Variants in ARHGEF10 observed in about 807,000 individuals in gnomAD.
ARHGEF10 encodes Rho guanine nucleotide exchange factor 10, also known as Rho guanine nucleotide exchange factor (GEF) 10.
ARHGEF10 carries 140 observed loss-of-function variants against 147.4 expected under a neutral mutation model. The observed-to-expected ratio is 0.95, with a 90% CI of 0.83 to 1.09. ARHGEF10 has a LOEUF of 1.09. Ranked by LOEUF, ARHGEF10 falls within the 50% of genes least tolerant of loss-of-function variation. ARHGEF10 has a pLI of 0.00. For synonymous variants in ARHGEF10, 902 were observed against 695.8 expected (o/e 1.30, Z -4.67); for missense variants, 2,222 against 1,752.7 (o/e 1.27, Z -4.78).
At chr8:1,840,964 G>T (rs1445744371) in intron 1 of ARHGEF10, among the ~76,000 whole-genome samples, 1 of 152,192 alleles carries the variant, frequency 6.6e-6, no homozygotes, top group Non-Finnish European at 1.5e-5. Flanking sequence ...AAGGGCACCC[G>T]ATGTGGATCC....
intron 11 of ARHGEF10, among the ~76,000 whole-genome samples, chr8:1,890,907 C>A (rs1809476482): frequency 6.6e-6 from 1 of 152,140 alleles, no homozygotes; most frequent in Non-Finnish European, 1.5e-5. Flanking sequence ...TTTATGGTTT[C>A]TGTAAAGGGT....
At chr8:1,907,262 C>T (rs1351012836) in intron 17 of ARHGEF10, among the ~76,000 whole-genome samples, 1 of 152,152 alleles carries the variant, frequency 6.6e-6, no homozygotes, top group Non-Finnish European at 1.5e-5. Flanking sequence ...GTTTAACTGT[C>T]CCAGAACCCC....
chr8:1,933,842 G>A lies in ARHGEF10; in HGVS notation c.3122G>A (p.Gly1041Asp). 2 of 1,614,148 alleles carry A rather than the reference G, an allele frequency of 1.2e-6. No homozygotes were observed. Among genetic ancestry groups the A allele is most frequent in the Non-Finnish European group, 1.7e-6 (2 of 1,180,032 alleles). The change falls in exon 26 of 29, where the codon GGC (glycine) becomes GAC (aspartate). Residue 1041 changes from glycine (G) to aspartate (D), a missense_variant. Physicochemically the swap from Gly to Asp is moderately conservative, Grantham distance 94. Transcript: ENST00000349830. ...GAACCTCAAAAAGTGATCAAGTTAG[G>A]CGTCCTACCAGTTAGAAGTCTACTC... The part of the protein sequence containing the change: ...DSEPQKVIKL[G>D]VLPVRSLLMM...
chr8:1,851,002 A>G (rs1362608217), intron 2 of ARHGEF10, among the ~76,000 whole-genome samples: 1 of 145,992 alleles, frequency 6.8e-6, no homozygotes, highest in South Asian at 2.4e-4. Flanking sequence ...ACAAAATTAT[A>G]CAGTAACAAG....
At chr8:1,889,998 C>A (rs1188428656) in intron 11 of ARHGEF10, among the ~76,000 whole-genome samples, 6 of 125,946 alleles carry the variant, frequency 4.8e-5, no homozygotes, top group African/African-American at 1.7e-4. Context: ...TGTGAGCAAT[C>A]TGTGAGGAGA....
chr8:1,911,899 G>A (rs985207966), intron 18 of ARHGEF10, among the ~76,000 whole-genome samples: 1 of 152,220 alleles, frequency 6.6e-6, no homozygotes, highest in African/African-American at 2.4e-5. Flanking sequence ...CACTCTCAGT[G>A]TTTGTTTCTT....
rs144940680 is a variant in ARHGEF10 at position 1,919,494 on chromosome 8, G to T, written c.2144-3470G>T. On this transcript the variant is annotated intron_variant, in intron 18 of 28. Transcript: ENST00000349830. The stretch of plus-strand genomic sequence containing the variant: ...AGCTGTTCTGTCCAGTGATGGAGCT[G>T]TTCCGTGGGTGATGGAGCTATTCTG... Among the ~76,000 whole-genome samples, 6 of 148,196 alleles carry T rather than the reference G, an allele frequency of 4.0e-5. No individual in the cohort carries two copies. The East Asian group carries it at 1.0e-3, about 25-fold the overall frequency.
chr8:1,923,528 A>G lies in ARHGEF10; in HGVS notation c.2320A>G (p.Lys774Glu), dbSNP rs777993053. Residue 774 changes from lysine (K) to glutamate (E), a missense_variant, in exon 20 of 29, where the codon AAA becomes GAA. Coordinates refer to ENST00000349830, the MANE Select transcript of ARHGEF10 (RefSeq NM_014629.4). ...TSGLQRLILK[K>E]EDEIRAADCC... ...AGGTTTACAAAGGCTTATTTTGAAG[A>G]AAGAAGATGAAATCAGAGCTGCGGA... 2 of 1,614,108 alleles carry G rather than the reference A, an allele frequency of 1.2e-6. No individual in the cohort carries two copies. Among genetic ancestry groups the G allele is most frequent in the Admixed American group, 1.7e-5 (1 of 60,024 alleles).
At position 1,926,411 on chromosome 8, in the gene ARHGEF10, T is replaced by A; in HGVS notation, c.2645T>A (p.Leu882Gln). The change falls in exon 23 of 29, where the codon CTA becomes CAA. Residue 882 changes from leucine to glutamine, a missense_variant. Transcript: ENST00000349830. The part of the protein sequence containing the change: ...ECAAYNPEPY[L>Q]NNESQPDSFS... ...GCTGCTTATAACCCTGAACCTTACC[T>A]AAATAATGAAAGCCAGCCAGATTCA... 6.2e-7 allele frequency: 1 copy of A among 1,614,178 alleles called. No homozygotes were observed. Among genetic ancestry groups the A allele is most frequent in the East Asian group, 2.2e-5 (1 of 44,880 alleles).
intron 2 of ARHGEF10, among the ~76,000 whole-genome samples, chr8:1,848,770 A>G (rs1019845101): frequency 1.3e-5 from 2 of 152,224 alleles, no homozygotes; most frequent in African/African-American, 4.8e-5. Context: ...CCAGTGTTTT[A>G]GAAGTAGTCT....
At chr8:1,855,589 T>A (rs1284723759) in intron 2 of ARHGEF10, among the ~76,000 whole-genome samples, 3 of 151,830 alleles carry the variant, frequency 2.0e-5, no homozygotes, top group Non-Finnish European at 4.4e-5. Context: ...GGGGTTTCAC[T>A]ATGTTGTCCA....
At chr8:1,928,347 C>A in intron 23 of ARHGEF10, 80 bp from the exon 24 acceptor site, 1 of 1,304,048 alleles carries the variant, frequency 7.7e-7, no homozygotes, top group Non-Finnish European at 1.1e-6. Flanking sequence ...CTTGTCGTGG[C>A]CTTTAAGGGT....
Position 1,948,404 on chromosome 8 carries a change from G to A in ARHGEF10, c.3397+2749G>A, listed in dbSNP as rs1011298851. Among the ~76,000 whole-genome samples the A allele has an allele frequency of 2.0e-5, 3 of 152,118 alleles. No homozygotes were observed. The highest frequency in any genetic ancestry group is 2.9e-5 in the Non-Finnish European group (2 of 68,030). ...GTGCTTCTCGTTGGCAGGTTTCTCC[G>A]GCATTTCGGTACTAAGTTGGAAATA... On this transcript the variant is annotated intron_variant, in intron 27 of 28. Coordinates refer to ENST00000349830, the MANE Select transcript of ARHGEF10 (RefSeq NM_014629.4). This position sits in a 1 kb window ranked among gnomAD's most constrained non-coding sequence, Gnocchi z 4.9.
chr8:1,913,457 A>C (rs1435421918), intron 18 of ARHGEF10, among the ~76,000 whole-genome samples: 1 of 152,260 alleles, frequency 6.6e-6, no homozygotes, highest in East Asian at 1.9e-4. Flanking sequence ...TGTAAAAATC[A>C]GTCACATTAC....
chr8:1,869,237 A>G lies in ARHGEF10; in HGVS notation c.666A>G (p.Ser222=). Residue 222 remains serine, a synonymous_variant, in exon 7 of 29, where the codon TCA becomes TCG. Transcript: ENST00000349830. ...AIYDDVPREN[S]DSEPDEMIYD... Reference sequence around the variant, plus strand: ...ACGATGACGTTCCAAGGGAAAACTCAGACTCTGAACCAGGTTTGATTTTGT... The same window carrying G: ...ACGATGACGTTCCAAGGGAAAACTCGGACTCTGAACCAGGTTTGATTTTGT... 1 of 1,613,988 alleles carries G rather than the reference A, an allele frequency of 6.2e-7. No individual in the cohort carries two copies. Among genetic ancestry groups the G allele is most frequent in the Non-Finnish European group, 8.5e-7 (1 of 1,179,826 alleles).
chr8:1,905,719 A>T lies in ARHGEF10; in HGVS notation c.1967+3A>T. On this transcript the variant is annotated splice_donor_region_variant and intron_variant, in intron 17 of 28. Transcript: ENST00000349830. ...ATGTGTGCCACCGTCAGCTCACGGT[A>T]AGTGCATAAATTCTCTATAGTAGTC... 2 of 1,613,452 alleles carry T rather than the reference A, an allele frequency of 1.2e-6. No individual in the cohort carries two copies. The highest frequency in any genetic ancestry group is 1.7e-6 in the Non-Finnish European group (2 of 1,180,032).
At chr8:1,847,115 C>T (rs1804622971) in intron 2 of ARHGEF10, among the ~76,000 whole-genome samples, 2 of 152,224 alleles carry the variant, frequency 1.3e-5, no homozygotes, top group Admixed American at 1.3e-4. Flanking sequence ...GTCAGGTCAT[C>T]ACAAGGGGAA....
chr8:1,858,132 G>T lies in ARHGEF10; in HGVS notation c.193+17G>T, dbSNP rs769692992. ...CACCCACAGGTGAGTTTCCAGGAGG[G>T]TCCCCAGGTGAGTCCCCAGGTGGGT... On this transcript the variant is annotated intron_variant, in intron 3 of 28. Coordinates refer to ENST00000349830, the MANE Select transcript of ARHGEF10 (RefSeq NM_014629.4). The T allele has an allele frequency of 2.1e-5, 34 of 1,604,344 alleles. 1 individual carries two copies. In the South Asian group the frequency reaches 3.7e-4, roughly 17 times the overall value.
chr8:1,897,373 C>T (rs1810066891), intron 14 of ARHGEF10, among the ~76,000 whole-genome samples: 1 of 150,068 alleles, frequency 6.7e-6, no homozygotes, highest in Non-Finnish European at 1.5e-5. Flanking sequence ...TGAGCTCTGT[C>T]CTAAGGGATC....
Sources: gnomAD v4.1 joint callset for allele counts (sites outside exome capture counted in the v4.1 genomes callset) on GRCh38, gnomAD v4.1.1 for gene constraint, Gnocchi (gnomAD v3.1) non-coding constraint, MANE v1.5 for transcripts, NCBI Gene and HGNC (gene_info 2026-07-23, HGNC 2026-07-21) for gene names.